The following CBFB variants were observed in gnomAD, a reference collection of about 807,000 sequenced individuals.
CBFB encodes the protein core-binding factor subunit beta.
A neutral mutation model predicts 30.4 loss-of-function variants in CBFB; 9 were observed. That is an observed-to-expected ratio of 0.30 (90% CI 0.18 to 0.52). The LOEUF is 0.52. Ranked by LOEUF, CBFB falls within the 20% of genes least tolerant of loss-of-function variation. The probability of loss-of-function intolerance (pLI) is 0.97; values close to 1 mark genes in which losing one functional copy is unlikely to be tolerated. For missense variants in CBFB, 170 were observed against 244.0 expected, an observed-to-expected ratio of 0.70 and a Z score of 2.02; for synonymous variants, 94 against 84.0, an observed-to-expected ratio of 1.12 and a Z score of -0.65.
intron 2 of CBFB, among the ~76,000 whole-genome samples, chr16:67,036,030 GT>G (rs1966435274): frequency 6.6e-6 from 1 of 151,884 alleles, no homozygotes; most frequent in South Asian, 2.1e-4. Context: ...TTTTCTCTTT[GT>G]TGTAGTCAGA....
intron 3 of CBFB, among the ~76,000 whole-genome samples, chr16:67,040,203 C>G (rs903476945): frequency 2.0e-5 from 3 of 152,150 alleles, no homozygotes; most frequent in Non-Finnish European, 2.9e-5. Flanking sequence ...CCCCACAGGA[C>G]TAGGACTGGA....
Position 67,100,961 on chromosome 16 carries a change from A to G in CBFB, c.*2183A>G, listed in dbSNP as rs1204130688. Reference sequence around the variant, plus strand: ...CTTTTCTAAATTCATCTCCATTAAAACTTGCCTTAAGCTACCAGATTGCTT... The same window carrying G: ...CTTTTCTAAATTCATCTCCATTAAAGCTTGCCTTAAGCTACCAGATTGCTT... On this transcript the variant is annotated 3_prime_UTR_variant, in exon 6 of 6. Transcript: ENST00000412916. 5.3e-6 allele frequency: 1 copy of G among 187,982 alleles called. No homozygotes were observed. Among genetic ancestry groups the G allele is most frequent in the Non-Finnish European group, 1.1e-5 (1 of 89,028 alleles). The allele number at this position is 187,982 out of a possible 1,614,324, so 11.6% of individuals were successfully genotyped here.
At position 67,067,215 on chromosome 16, in the gene CBFB, A is replaced by G. The variant is rs931432501; in HGVS notation, c.399+417A>G. ...ATAAAACTTGACAAAAATTGTTTAA[A>G]AAAAAAAAAAAAAAGCTGGACGTGG... On this transcript the variant is annotated intron_variant, in intron 4 of 5. Transcript: ENST00000412916. 2.0e-4 allele frequency among the ~76,000 whole-genome samples: 30 copies of G among 151,334 alleles called. 1 individual carries two copies. The Middle Eastern group carries it at 0.01, about 51-fold the overall frequency.
At chr16:67,085,868 C>T (rs908867058) in intron 5 of CBFB, among the ~76,000 whole-genome samples, 5 of 151,604 alleles carry the variant, frequency 3.3e-5, no homozygotes, top group Non-Finnish European at 7.4e-5. Context: ...TTAGTAGAGA[C>T]GGGGTTTCAC....
At chr16:67,051,914 C>T (rs1364229674) in intron 3 of CBFB, among the ~76,000 whole-genome samples, 1 of 83,020 alleles carries the variant, frequency 1.2e-5, no homozygotes, top group Non-Finnish European at 2.0e-5. Flanking sequence ...TATGTGTATA[C>T]ACACACACAC....
At chr16:67,082,480 ATTTATT>A (rs1961592775) in intron 5 of CBFB, 172 bp downstream of exon 5, 1 of 619,378 alleles carries the variant, frequency 1.6e-6, no homozygotes, top group Non-Finnish European at 2.5e-6. Context: ...CTATAAAGAA[ATTTATT>A]TTAATTTTAA....
At chr16:67,039,053 G>A (rs1966489662) in intron 3 of CBFB, among the ~76,000 whole-genome samples, 1 of 152,200 alleles carries the variant, frequency 6.6e-6, no homozygotes, top group African/African-American at 2.4e-5. Flanking sequence ...ACAGTCATGT[G>A]TCACTTAATG....
chr16:67,082,998 G>C (rs1195380930), intron 5 of CBFB, among the ~76,000 whole-genome samples: 1 of 152,116 alleles, frequency 6.6e-6, no homozygotes, highest in Admixed American at 6.5e-5. Context: ...CTTTGAGCCT[G>C]AGCAACTCTG....
At chr16:67,075,200 T>G (rs55732715) in intron 4 of CBFB, among the ~76,000 whole-genome samples, 11 of 108,344 alleles carry the variant, frequency 1.0e-4, no homozygotes, top group Non-Finnish European at 1.5e-4. Context: ...AAAAAAAATG[T>G]GTGTGTGTGT....
chr16:67,030,495 T>TG (rs753905419), intron 2 of CBFB, among the ~76,000 whole-genome samples: 1 of 151,720 alleles, frequency 6.6e-6, no homozygotes, highest in Non-Finnish European at 1.5e-5. Flanking sequence ...GACCTTGGGT[T>TG]GAAAAAAAAA....
intron 3 of CBFB, among the ~76,000 whole-genome samples, chr16:67,052,873 G>T (rs986964675): frequency 1.3e-5 from 2 of 152,020 alleles, no homozygotes; most frequent in East Asian, 3.9e-4. Flanking sequence ...TGAGGCAGGA[G>T]GATCCCTTGA....
chr16:67,090,081 G>A (rs968742802), intron 5 of CBFB, among the ~76,000 whole-genome samples: 4 of 152,204 alleles, frequency 2.6e-5, no homozygotes, highest in Admixed American at 2.6e-4. Flanking sequence ...AAAACAACCA[G>A]TAAAGGATTT....
At chr16:67,040,903 G>A (rs1966517240) in intron 3 of CBFB, among the ~76,000 whole-genome samples, 1 of 152,268 alleles carries the variant, frequency 6.6e-6, no homozygotes, top group African/African-American at 2.4e-5. Flanking sequence ...TCCGGACAAA[G>A]GAAACAGCCA....
At chr16:67,074,778 G>A (rs941051451) in intron 4 of CBFB, among the ~76,000 whole-genome samples, 14 of 152,194 alleles carry the variant, frequency 9.2e-5, no homozygotes, top group Admixed American at 6.5e-4. Context: ...TAAACTGTAA[G>A]TAAATGGATA....
intron 3 of CBFB, among the ~76,000 whole-genome samples, chr16:67,062,817 A>C (rs1358616203): frequency 6.6e-6 from 1 of 152,108 alleles, no homozygotes; most frequent in Non-Finnish European, 1.5e-5. Flanking sequence ...TTTTTTTAAA[A>C]AGAATAAGCC....
chr16:67,051,912 TACACACACAC>T (rs112469458), intron 3 of CBFB, among the ~76,000 whole-genome samples: 19 of 144,022 alleles, frequency 1.3e-4, no homozygotes, highest in East Asian at 1.2e-3. Context: ...TATATGTGTA[TACACACACAC>T]ACACACACAC....
At chr16:67,030,048 A>T in intron 2 of CBFB, 1 of 446,756 alleles carries the variant, frequency 2.2e-6, no homozygotes, top group Non-Finnish European at 3.9e-6. Flanking sequence ...GAGCACCGCG[A>T]GTGGAGCTCG....
intron 4 of CBFB, among the ~76,000 whole-genome samples, chr16:67,074,928 C>T (rs534751507): frequency 1.1e-3 from 173 of 152,212 alleles, no homozygotes; most frequent in Non-Finnish European, 2.3e-3. Flanking sequence ...CGCAGTGGCT[C>T]ATGCTTGTAA....
At chr16:67,060,879 C>T (rs1050080381) in intron 3 of CBFB, among the ~76,000 whole-genome samples, 4 of 152,076 alleles carry the variant, frequency 2.6e-5, no homozygotes, top group African/African-American at 9.7e-5. Context: ...TCATATAATA[C>T]GTAACCTTTT....
Sources: allele counts gnomAD v4.1 joint callset (sites outside exome capture counted in the v4.1 genomes callset), GRCh38; gene constraint gnomAD v4.1.1; transcripts MANE v1.5; gene names NCBI Gene and HGNC (gene_info 2026-07-23, HGNC 2026-07-21).